PTPRD: variants seen among roughly 807,000 people sequenced by gnomAD.
The protein encoded by PTPRD is receptor-type tyrosine-protein phosphatase delta.
In PTPRD, 34 loss-of-function variants were observed where a neutral mutation model predicts 214.5. The ratio of observed to expected loss-of-function variants is 0.16; its 90% CI spans 0.12 to 0.21. PTPRD has a LOEUF of 0.21. Among genes scored for constraint, PTPRD ranks in the 10% least tolerant of loss-of-function variants. The probability of loss-of-function intolerance (pLI) is 1.00; values close to 1 mark genes in which losing one functional copy is unlikely to be tolerated. For synonymous variants in PTPRD, 1,128 were observed against 845.7 expected (o/e 1.33, Z -5.79); for missense variants, 2,545 against 2,398.7 (o/e 1.06, Z -1.27).
intron 3 of PTPRD, among the ~76,000 whole-genome samples, chr9:10,315,329 G>A (rs2096392710): frequency 6.6e-6 from 1 of 151,800 alleles, no homozygotes; most frequent in Non-Finnish European, 1.5e-5. Flanking sequence ...TAAATCATCA[G>A]CAGAATAAAT....
Position 8,852,056 on chromosome 9 carries a change from G to A in PTPRD, c.-103-118110C>T, listed in dbSNP as rs199652020. Among the ~76,000 whole-genome samples the A allele has an allele frequency of 2.9e-4, 15 of 51,688 alleles. No individual in the cohort carries two copies. The East Asian group carries it at 5.4e-3, about 18-fold the overall frequency. The allele number at this position is 51,688 out of a possible 152,430, so 33.9% of individuals were successfully genotyped here. On this transcript the variant is annotated intron_variant, in intron 11 of 45. Transcript: ENST00000381196. ...TAATAAATGAAATCCATCTACTAAC[G>A]GTTTAAAAAAAAAAAGATGTCTCTT...
At chr9:8,973,414 C>T (rs10759025) in intron 11 of PTPRD, among the ~76,000 whole-genome samples, 78,095 of 151,778 alleles carry the variant, frequency 0.51, 20,495 homozygotes, top group East Asian at 0.76. Context: ...TTTATGGCTG[C>T]GTAGTATTCC....
At chr9:10,162,536 G>A (rs527985765) in intron 3 of PTPRD, among the ~76,000 whole-genome samples, 149 of 150,664 alleles carry the variant, frequency 9.9e-4, no homozygotes, top group Non-Finnish European at 1.5e-3. Flanking sequence ...TTTTCCAAAG[G>A]CCAGAAAGGG....
intron 10 of PTPRD, among the ~76,000 whole-genome samples, chr9:9,039,435 C>G (rs2099632399): frequency 6.6e-6 from 1 of 152,156 alleles, no homozygotes; most frequent in South Asian, 2.1e-4. Context: ...CTCGATGACT[C>G]TAATCATCGA....
chr9:8,484,346 T>C lies in PTPRD; in HGVS notation c.3186A>G (p.Glu1062=). The C allele has an allele frequency of 2.5e-6, 4 of 1,614,080 alleles. No individual in the cohort carries two copies. Among genetic ancestry groups the C allele is most frequent in the Non-Finnish European group, 3.4e-6 (4 of 1,179,974 alleles). The change falls in exon 30 of 46, where the codon GAA becomes GAG. Residue 1062 remains glutamate (E), a synonymous_variant. Coordinates refer to ENST00000381196, the MANE Select transcript of PTPRD (RefSeq NM_002839.4). ...ILYDDGKMVE[E]VDGRATQKLI... ...ACTTCTGTGTGGCTCGGCCATCCAC[T>C]TCTTCTACCATTTTCCCATCATCAT...
In PTPRD at chr9:9,355,819, C is replaced by A. The variant is rs554682583; in HGVS notation, c.-203+41630G>T. On this transcript the variant is annotated intron_variant, in intron 9 of 45. Coordinates refer to ENST00000381196, the MANE Select transcript of PTPRD (RefSeq NM_002839.4). ...CTGGAGCATTTCAATGTTAATAGGT[C>A]AGAAGGATGGTGAAAAATGAGTAAA... Among the ~76,000 whole-genome samples the A allele has an allele frequency of 7.9e-5, 12 of 151,216 alleles. No homozygotes were observed. The South Asian group carries it at 8.3e-4, about 10-fold the overall frequency.
intron 5 of PTPRD, among the ~76,000 whole-genome samples, chr9:9,889,417 G>A (rs111735241): frequency 6.6e-6 from 1 of 151,932 alleles, no homozygotes; most frequent in Non-Finnish European, 1.5e-5. Flanking sequence ...AAATTTAAAA[G>A]TATTTAAATA....
chr9:9,621,792 G>C (rs537063156), intron 7 of PTPRD, among the ~76,000 whole-genome samples: 34 of 152,322 alleles, frequency 2.2e-4, no homozygotes, highest in African/African-American at 7.5e-4. Context: ...CGGCAGCTCT[G>C]TGTGGATAGT....
rs143269320 is a variant in PTPRD at position 8,590,735 on chromosome 9, G to A, written c.352+42582C>T. Among the ~76,000 whole-genome samples the A allele has an allele frequency of 4.8e-3, 723 of 152,202 alleles. 8 individuals are homozygous for A. The highest frequency in any genetic ancestry group is 0.017 in the African/African-American group (695 of 41,540). ...TGGATAGTAAATATAGAAATACTAG[G>A]GATTTGCATGCAAGTTTAACCAGCT... On this transcript the variant is annotated intron_variant, in intron 14 of 45. Coordinates refer to ENST00000381196, the MANE Select transcript of PTPRD (RefSeq NM_002839.4).
intron 8 of PTPRD, among the ~76,000 whole-genome samples, chr9:9,533,958 G>T (rs1328405519): frequency 6.6e-6 from 1 of 151,908 alleles, no homozygotes; most frequent in Non-Finnish European, 1.5e-5. Context: ...ATAATTATAT[G>T]ATGTGTCAAG....
intron 12 of PTPRD, among the ~76,000 whole-genome samples, chr9:8,640,293 G>A (rs1412305009): frequency 2.0e-5 from 3 of 152,052 alleles, no homozygotes; most frequent in Non-Finnish European, 2.9e-5. Context: ...AGGTTGCAGT[G>A]AGCCGAGATC....
At chr9:8,757,629 T>TAC (rs983092158) in intron 11 of PTPRD, among the ~76,000 whole-genome samples, 63 of 147,104 alleles carry the variant, frequency 4.3e-4, no homozygotes, top group East Asian at 2.2e-3. Context: ...TGCATATATA[T>TAC]ATATATATAT....
intron 40 of PTPRD, 66 bp downstream of exon 40, chr9:8,341,627 C>T (rs984126437): frequency 2.4e-5 from 38 of 1,557,728 alleles, no homozygotes; most frequent in Non-Finnish European, 3.0e-5. Flanking sequence ...TAAAGTAAAG[C>T]CACGACTCAA....
At chr9:8,444,899 C>G (rs2095666333) in intron 34 of PTPRD, among the ~76,000 whole-genome samples, 1 of 152,182 alleles carries the variant, frequency 6.6e-6, no homozygotes, top group African/African-American at 2.4e-5. Context: ...TTCACCCATC[C>G]TAGTGCGCAC....
intron 7 of PTPRD, among the ~76,000 whole-genome samples, chr9:9,695,294 T>C (rs538776062): frequency 2.0e-5 from 3 of 152,270 alleles, no homozygotes; most frequent in Non-Finnish European, 2.9e-5. Context: ...TGCCCTATCC[T>C]ACTGTGACTG....
In PTPRD at chr9:10,488,085, C is replaced by T. The variant is rs536076784; in HGVS notation, c.-600+124313G>A. Among the ~76,000 whole-genome samples the T allele has an allele frequency of 3.3e-5, 5 of 150,976 alleles. No homozygotes were observed. The East Asian group carries it at 9.9e-4, about 30-fold the overall frequency. ...CACCATGACTAAGACTGTGCCAGGT[C>T]GGCTGGGCATGGTGGCTCGCGCCTG... On this transcript the variant is annotated intron_variant, in intron 2 of 45. Coordinates refer to ENST00000381196, the MANE Select transcript of PTPRD (RefSeq NM_002839.4).
Position 9,262,943 on chromosome 9 carries a change from G to A in PTPRD, c.-202-79580C>T, listed in dbSNP as rs1317057842. Among the ~76,000 whole-genome samples the A allele has an allele frequency of 4.6e-5, 7 of 151,398 alleles. No individual in the cohort carries two copies. In the East Asian group the frequency reaches 5.9e-4, roughly 13 times the overall value. On this transcript the variant is annotated intron_variant, in intron 9 of 45. Transcript: ENST00000381196. Reference sequence around the variant, plus strand: ...TCCTAACAATTTTGGTGTCATAAACGTAAAAACATTTCTACTCCCACCCTG... The same window carrying A: ...TCCTAACAATTTTGGTGTCATAAACATAAAAACATTTCTACTCCCACCCTG...
At chr9:9,539,968 G>A (rs932473825) in intron 8 of PTPRD, among the ~76,000 whole-genome samples, 4 of 151,766 alleles carry the variant, frequency 2.6e-5, no homozygotes, top group African/African-American at 7.2e-5. Flanking sequence ...TACCCTACAC[G>A]GATATTTGAA....
At chr9:9,351,765 C>T (rs540351589) in intron 9 of PTPRD, among the ~76,000 whole-genome samples, 153 of 152,072 alleles carry the variant, frequency 1.0e-3, no homozygotes, top group African/African-American at 3.6e-3. Flanking sequence ...GGGTCAGGAG[C>T]GTAGGCTATG....
Sources: gnomAD v4.1 joint callset for allele counts (sites outside exome capture counted in the v4.1 genomes callset) on GRCh38, gnomAD v4.1.1 for gene constraint, MANE v1.5 for transcripts, NCBI Gene and HGNC (gene_info 2026-07-23, HGNC 2026-07-21) for gene names.